Variants in PARD3B observed in about 807,000 individuals in gnomAD.
PARD3B encodes the protein par-3 family cell polarity regulator beta.
A neutral mutation model predicts 130.2 loss-of-function variants in PARD3B; 103 were observed. That is an observed-to-expected ratio of 0.79 (90% CI 0.67 to 0.93). The LOEUF (loss-of-function observed/expected upper bound fraction) is 0.93. Among genes scored for constraint, PARD3B ranks in the 40% least tolerant of loss-of-function variants. The probability of loss-of-function intolerance (pLI) is 0.00; values close to 1 mark genes in which losing one functional copy is unlikely to be tolerated. For missense variants in PARD3B, 1,609 were observed against 1,499.2 expected (o/e 1.07, Z -1.21); for synonymous variants, 583 against 553.2 (o/e 1.05, Z -0.76).
chr2:204,881,006 T>G (rs999144275), intron 2 of PARD3B, among the ~76,000 whole-genome samples: 15 of 152,152 alleles, frequency 9.9e-5, no homozygotes, highest in African/African-American at 3.4e-4. Flanking sequence ...GAATTACCTG[T>G]TGTGTAGGGT....
chr2:205,127,309 A>C (rs2031550787), intron 10 of PARD3B, among the ~76,000 whole-genome samples: 2 of 151,650 alleles, frequency 1.3e-5, no homozygotes, highest in Non-Finnish European at 2.9e-5. Context: ...AAAAAAAAAA[A>C]AAAAAGGAAA....
At position 205,460,393 on chromosome 2, in the gene PARD3B, G is replaced by GTGATGATGATGA. The variant is rs3077792; in HGVS notation, c.3044+19753_3044+19764dup. 2.0e-5 allele frequency among the ~76,000 whole-genome samples: 3 copies of GTGATGATGATGA among 148,000 alleles called. No individual in the cohort carries two copies. The highest frequency in any genetic ancestry group is 4.1e-4 in the East Asian group (2 of 4,930). Reference sequence around the variant, plus strand: ...ATTATCAAGACTAAGGATGTTGATAGTGATGATGATGATGATGATGATGAT... The same window carrying GTGATGATGATGA: ...ATTATCAAGACTAAGGATGTTGATAGTGATGATGATGATGATGATGATGATGATGATGATGAT... On this transcript the variant is annotated intron_variant, in intron 20 of 22. Transcript: ENST00000406610. The surrounding 1 kb of genome is among the most constrained non-coding windows in gnomAD (Gnocchi z 4.9).
At chr2:205,588,614 T>G (rs1002277514) in intron 22 of PARD3B, among the ~76,000 whole-genome samples, 1 of 152,214 alleles carries the variant, frequency 6.6e-6, no homozygotes, top group Non-Finnish European at 1.5e-5. Flanking sequence ...AAAGTGGAAT[T>G]AAGAGTCACC....
At chr2:204,811,566 G>A (rs2042963304) in intron 2 of PARD3B, among the ~76,000 whole-genome samples, 3 of 152,170 alleles carry the variant, frequency 2.0e-5, no homozygotes, top group Admixed American at 2.0e-4. Context: ...AGCTTTCTAG[G>A]TTCCTGATGA....
chr2:204,989,035 C>A (rs1693416314), intron 3 of PARD3B, among the ~76,000 whole-genome samples: 1 of 152,144 alleles, frequency 6.6e-6, no homozygotes, highest in Non-Finnish European at 1.5e-5. Flanking sequence ...TAGCAGTGGT[C>A]TTTGCTGTCA....
intron 13 of PARD3B, among the ~76,000 whole-genome samples, chr2:205,179,172 A>G (rs2035649044): frequency 6.6e-6 from 1 of 152,174 alleles, no homozygotes; most frequent in Non-Finnish European, 1.5e-5. Context: ...AGCTTATAGA[A>G]TAAAGATATA....
intron 2 of PARD3B, among the ~76,000 whole-genome samples, chr2:204,911,450 T>A (rs530577038): frequency 2.6e-4 from 40 of 152,234 alleles, no homozygotes; most frequent in Non-Finnish European, 5.3e-4. Flanking sequence ...CTTGTATTTT[T>A]AGTTTATATA....
chr2:204,636,614 T>A (rs1978368), intron 1 of PARD3B, among the ~76,000 whole-genome samples: 1 of 151,894 alleles, frequency 6.6e-6, no homozygotes, highest in Non-Finnish European at 1.5e-5. Context: ...GTGTTTCCTT[T>A]GTCCTGCCTT....
At chr2:205,459,065 G>T (rs1037983753) in intron 20 of PARD3B, among the ~76,000 whole-genome samples, 1 of 152,122 alleles carries the variant, frequency 6.6e-6, no homozygotes, top group African/African-American at 2.4e-5. Context: ...ATCCCTGTGA[G>T]AATGTCAGAA....
intron 21 of PARD3B, among the ~76,000 whole-genome samples, chr2:205,546,319 C>T (rs533751922): frequency 2.6e-5 from 4 of 152,158 alleles, no homozygotes; most frequent in South Asian, 2.1e-4. Context: ...TAAGTTCTAA[C>T]GTTACACTGT....
In PARD3B at chr2:204,680,314, G is replaced by A. The variant is rs74334911; in HGVS notation, c.121-5867G>A. On this transcript the variant is annotated intron_variant, in intron 1 of 22. Transcript: ENST00000406610. Reference sequence around the variant, plus strand: ...TACTGTCCATTTTGTTGTATTTTTCGAAGAATTCGTTCATTTTATAAAAAT... The same window carrying A: ...TACTGTCCATTTTGTTGTATTTTTCAAAGAATTCGTTCATTTTATAAAAAT... Among the ~76,000 whole-genome samples, 528 of 151,806 alleles carry A rather than the reference G, an allele frequency of 3.5e-3. 5 individuals carry two copies. Among genetic ancestry groups the A allele is most frequent in the African/African-American group, 0.012 (497 of 41,484 alleles).
At chr2:204,622,103 G>A (rs1341222934) in intron 1 of PARD3B, among the ~76,000 whole-genome samples, 5 of 152,136 alleles carry the variant, frequency 3.3e-5, no homozygotes, top group African/African-American at 1.2e-4. Flanking sequence ...GCCCAGACTC[G>A]GACTCTGAGC....
intron 18 of PARD3B, among the ~76,000 whole-genome samples, chr2:205,400,198 A>G (rs960303333): frequency 2.0e-5 from 3 of 152,186 alleles, no homozygotes; most frequent in African/African-American, 7.2e-5. Context: ...TTGCATTAAT[A>G]GGTCATCATA....
In PARD3B at chr2:205,405,304, G is replaced by A. The variant is rs764588574; in HGVS notation, c.2741+4181G>A. 6.6e-6 allele frequency among the ~76,000 whole-genome samples: 1 copy of A among 152,160 alleles called. No individual in the cohort carries two copies. Among genetic ancestry groups the A allele is most frequent in the Non-Finnish European group, 1.5e-5 (1 of 68,050 alleles). ...AGCAGTTACTGCCTTTTACTGGATA[G>A]AGGCTAGAAATGTAGCTAAAAATCT... is the stretch of plus-strand genomic sequence containing the variant. On this transcript the variant is annotated intron_variant, in intron 19 of 22. Coordinates refer to ENST00000406610, the MANE Select transcript of PARD3B (RefSeq NM_001302769.2). The surrounding 1 kb of genome is among the most constrained non-coding windows in gnomAD (Gnocchi z 4.1).
chr2:205,527,530 A>C (rs540892654), intron 21 of PARD3B, among the ~76,000 whole-genome samples: 1 of 152,254 alleles, frequency 6.6e-6, no homozygotes, highest in African/African-American at 2.4e-5. Context: ...CTGTGGTGAC[A>C]AGTGACAAGG....
At chr2:205,069,878 C>A (rs1246824107) in intron 4 of PARD3B, among the ~76,000 whole-genome samples, 1 of 152,184 alleles carries the variant, frequency 6.6e-6, no homozygotes, top group Non-Finnish European at 1.5e-5. Context: ...ACACTCTACA[C>A]TGCCTCATGT....
At chr2:205,164,785 G>A (rs767376008) in intron 11 of PARD3B, among the ~76,000 whole-genome samples, 20 of 150,190 alleles carry the variant, frequency 1.3e-4, no homozygotes, top group Admixed American at 9.3e-4. Flanking sequence ...AGCTATATTC[G>A]TCTTCATTAT....
chr2:205,152,311 G>T (rs1242679681), intron 10 of PARD3B, among the ~76,000 whole-genome samples: 1 of 152,134 alleles, frequency 6.6e-6, no homozygotes, highest in East Asian at 1.9e-4. Flanking sequence ...GGCCTGCCTT[G>T]CTAGGTTGGG....
intron 1 of PARD3B, among the ~76,000 whole-genome samples, chr2:204,684,555 G>T (rs1394478448): frequency 6.6e-6 from 1 of 152,102 alleles, no homozygotes; most frequent in Non-Finnish European, 1.5e-5. Flanking sequence ...GAGCTGTATT[G>T]TCCAGTGGCC....
Sources: allele counts gnomAD v4.1 joint callset (sites outside exome capture counted in the v4.1 genomes callset), GRCh38; gene constraint gnomAD v4.1.1; non-coding constraint Gnocchi (gnomAD v3.1); transcripts MANE v1.5; gene names NCBI Gene and HGNC (gene_info 2026-07-23, HGNC 2026-07-21).